Variants in ATP1A3 observed in about 807,000 individuals in gnomAD.
ATP1A3 encodes sodium/potassium-transporting ATPase subunit alpha-3.
ATP1A3 carries 12 observed loss-of-function variants against 108.8 expected under a neutral mutation model. The ratio of observed to expected loss-of-function variants is 0.11; its 90% CI spans 0.07 to 0.18. The LOEUF is 0.18. Ranked by LOEUF, ATP1A3 falls within the 10% of genes least tolerant of loss-of-function variation. The pLI, the probability that ATP1A3 is intolerant of heterozygous loss-of-function variation, is 1.00. For missense variants in ATP1A3, 498 were observed against 1,387.7 expected (o/e 0.36, Z 10.19); for synonymous variants, 539 against 564.5 (o/e 0.95, Z 0.64).
intron 4 of ATP1A3, 103 bp downstream of exon 4, chr19:41,987,833 G>A: frequency 3.6e-6 from 5 of 1,383,980 alleles, no homozygotes; most frequent in Non-Finnish European, 5.1e-6. Context: ...GAAAAAGGGG[G>A]AGAGTGGGCT....
rs2075279472 is a variant in ATP1A3, at chr19:41,985,589, A to G, written c.607-166T>C. On this transcript the variant is annotated intron_variant, in intron 6 of 22. Coordinates refer to ENST00000648268, the MANE Select transcript of ATP1A3 (RefSeq NM_152296.5). This position sits in a 1 kb window ranked among gnomAD's most constrained non-coding sequence, Gnocchi z 8.2. ...GGGAGGCCAGAGGCTGGGATCTTGA[A>G]GGTGGGGAAGGCACAGTGCTGCTGG... is the stretch of plus-strand genomic sequence containing the variant. Among the ~76,000 whole-genome samples, 1 of 152,090 alleles carries G rather than the reference A, an allele frequency of 6.6e-6. No individual in the cohort carries two copies. Among genetic ancestry groups the G allele is most frequent in the African/African-American group, 2.4e-5 (1 of 41,402 alleles).
chr19:41,970,372 G>A lies in ATP1A3; in HGVS notation c.2418+16C>T, dbSNP rs2145947877. On this transcript the variant is annotated intron_variant, in intron 17 of 22. Transcript: ENST00000648268. ...CTCCACCCTCCTGGGCCCCAAGGGT[G>A]GCTGCCAGGGCTCACCATGTCAGTG... 1 of 1,614,248 alleles carries A rather than the reference G, an allele frequency of 6.2e-7. No homozygotes were observed. Among genetic ancestry groups the A allele is most frequent in the Non-Finnish European group, 8.5e-7 (1 of 1,180,042 alleles).
chr19:41,976,650 G>A (rs1353109222), intron 14 of ATP1A3, 84 bp from the exon 15 acceptor site: 4 of 1,585,554 alleles, frequency 2.5e-6, no homozygotes, highest in Admixed American at 1.7e-5. Flanking sequence ...AGAAACAGAG[G>A]GGCCAGCCCC....
intron 11 of ATP1A3, among the ~76,000 whole-genome samples, chr19:41,979,750 T>C (rs2075210712): frequency 6.6e-6 from 1 of 152,172 alleles, no homozygotes; most frequent in Admixed American, 6.5e-5. Context: ...TTGGAGGTGA[T>C]GAAAATGCTC....
intron 4 of ATP1A3, chr19:41,986,450 ATT>A: frequency 4.8e-6 from 2 of 414,248 alleles, no homozygotes; most frequent in South Asian, 2.4e-5. Context: ...GGGTCTGTCG[ATT>A]TTTTTTTTGA....
chr19:41,989,565 C>T (rs1383799201), intron 1 of ATP1A3, among the ~76,000 whole-genome samples: 2 of 151,378 alleles, frequency 1.3e-5, no homozygotes, highest in Admixed American at 6.6e-5. Context: ...GTGATCCGCC[C>T]GTCTCGGCCT....
chr19:41,977,714 TAAATA>T (rs1318452448), intron 14 of ATP1A3, among the ~76,000 whole-genome samples: 3 of 151,910 alleles, frequency 2.0e-5, no homozygotes, highest in African/African-American at 7.2e-5. Context: ...CATAAATAAA[TAAATA>T]AAATAAAATA....
chr19:41,969,767 G>C (rs1331908566), intron 18 of ATP1A3, among the ~76,000 whole-genome samples, 187 bp from the exon 19 acceptor site: 1 of 152,214 alleles, frequency 6.6e-6, no homozygotes, highest in Non-Finnish European at 1.5e-5. Context: ...GAGATGGGTG[G>C]GCCACCTGGG....
chr19:41,977,448 G>A (rs1555861716), intron 14 of ATP1A3, among the ~76,000 whole-genome samples: 2 of 151,754 alleles, frequency 1.3e-5, no homozygotes, highest in Non-Finnish European at 2.9e-5. Flanking sequence ...CACTTTGGGA[G>A]GCCAAGGCAG....
chr19:41,982,442 A>C (rs536399467), intron 8 of ATP1A3, among the ~76,000 whole-genome samples: 9 of 152,284 alleles, frequency 5.9e-5, no homozygotes, highest in Non-Finnish European at 1.3e-4. Context: ...CCTGGCTAAC[A>C]TGGTGAAACC....
Position 41,967,363 on chromosome 19 carries a change from G to T in ATP1A3, c.2922-23C>A. The T allele has an allele frequency of 6.2e-6, 10 of 1,600,890 alleles. No individual in the cohort carries two copies. The East Asian group carries it at 2.2e-4, about 36-fold the overall frequency. ...GGCCTGCAGAGGGGAGAGCAGGAGG[G>T]CTTGAGTGCGGGGCCCTAACGAGAG... On this transcript the variant is annotated intron_variant, in intron 21 of 22. Coordinates refer to ENST00000648268, the MANE Select transcript of ATP1A3 (RefSeq NM_152296.5). The surrounding 1 kb of genome is among the most constrained non-coding windows in gnomAD (Gnocchi z 4.2).
Position 41,994,054 on chromosome 19 carries a change from G to A in ATP1A3, c.6+17C>T. ...CAATGTCACACGGAAGCGGCGCCCA[G>A]CCGGCTCAGCACCTACCCCCATCTT... On this transcript the variant is annotated intron_variant, in intron 1 of 22. Transcript: ENST00000648268. 6.2e-7 allele frequency: 1 copy of A among 1,609,232 alleles called. No homozygotes were observed. Among genetic ancestry groups the A allele is most frequent in the Non-Finnish European group, 8.5e-7 (1 of 1,178,150 alleles).
In ATP1A3 at chr19:41,967,292, G is replaced by A; in HGVS notation, c.2970C>T (p.Val990=). ...CAFPYSFLIF[V]YDEIRKLILR... ...GGATGAGTTTGCGGATTTCGTCGTA[G>A]ACGAAGATGAGGAAACTGTAGGGGA... is the stretch of plus-strand genomic sequence containing the variant. The change falls in exon 22 of 23, where the codon GTC becomes GTT. Residue 990 remains valine (V), a synonymous_variant. Transcript: ENST00000648268. The surrounding 1 kb of genome is among the most constrained non-coding windows in gnomAD (Gnocchi z 4.2). 6.2e-7 allele frequency: 1 copy of A among 1,613,382 alleles called. No homozygotes were observed. The highest frequency in any genetic ancestry group is 1.1e-5 in the South Asian group (1 of 91,086).
Position 41,966,872 on chromosome 19 carries a change from G to T in ATP1A3, c.*65C>A, listed in dbSNP as rs1161217260. On this transcript the variant is annotated 3_prime_UTR_variant, in exon 23 of 23. Coordinates refer to ENST00000648268, the MANE Select transcript of ATP1A3 (RefSeq NM_152296.5). ...TCCCCCCAGAATACAAAATTGGGGG[G>T]ACTGACAGGGGCGGTCCTGGGCCTG... is the stretch of plus-strand genomic sequence containing the variant. The T allele has an allele frequency of 1.9e-6, 3 of 1,549,654 alleles. No individual in the cohort carries two copies. Among genetic ancestry groups the T allele is most frequent in the Admixed American group, 2.0e-5 (1 of 50,922 alleles).
chr19:41,986,043 TG>T (rs1555865294), intron 5 of ATP1A3, 45 bp from the exon 6 acceptor site: 2 of 1,614,082 alleles, frequency 1.2e-6, no homozygotes, highest in South Asian at 1.1e-5. Context: ...TCCCTCTGCC[TG>T]GGGGTCACTG....
Position 41,988,538 on chromosome 19 carries a change from G to A in ATP1A3, c.31C>T (p.Pro11Ser). 6.2e-7 allele frequency: 1 copy of A among 1,614,156 alleles called. No individual in the cohort carries two copies. The highest frequency in any genetic ancestry group is 8.5e-7 in the Non-Finnish European group (1 of 1,180,020). The stretch of plus-strand genomic sequence containing the variant: ...CGCTCCTTGCCCTTGTTCTTCTTGG[G>A]TGAGTCCTTGTCATCTTTCTTGTCC... MGDKKDDKDS[P>S]KKNKGKERRD... Residue 11 changes from proline to serine, a missense_variant, in exon 2 of 23, where the codon CCC (proline) becomes TCC (serine). Around this residue, in one of 9 missense-constraint regions of ATP1A3, gnomAD observed 41 missense variants for 59.7 expected, o/e 0.69. Transcript: ENST00000648268. This position sits in a 1 kb window ranked among gnomAD's most constrained non-coding sequence, Gnocchi z 5.3.
In ATP1A3 at chr19:41,968,814, C is replaced by T. The variant is rs782317175; in HGVS notation, c.2790G>A (p.Arg930=). The change falls in exon 20 of 23, where the codon CGG becomes CGA. Residue 930 remains arginine, a synonymous_variant. Coordinates refer to ENST00000648268, the MANE Select transcript of ATP1A3 (RefSeq NM_152296.5). This position sits in a 1 kb window ranked among gnomAD's most constrained non-coding sequence, Gnocchi z 5.0. ...TGCCCTGCTGGAAGACCGAGTTCCT[C>T]CGGGTCTTGCAGATGATCAGATCGG... ...QWADLIICKT[R]RNSVFQQGMK... 1.2e-6 allele frequency: 2 copies of T among 1,614,168 alleles called. No individual in the cohort carries two copies. The highest frequency in any genetic ancestry group is 3.3e-5 in the Admixed American group (2 of 60,020).
intron 4 of ATP1A3, 88 bp from the exon 5 acceptor site, chr19:41,986,317 T>G: frequency 1.5e-6 from 2 of 1,302,362 alleles, no homozygotes; most frequent in Non-Finnish European, 2.2e-6. Context: ...GAAGGGAGCT[T>G]TGTGTCAGTG....
intron 16 of ATP1A3, among the ~76,000 whole-genome samples, chr19:41,972,413 C>A (rs775773009): frequency 4.0e-5 from 6 of 151,606 alleles, no homozygotes; most frequent in East Asian, 3.9e-4. Context: ...CAGAGTGAGA[C>A]CTTGTCTCTA....
Sources: gnomAD v4.1 joint callset for allele counts (sites outside exome capture counted in the v4.1 genomes callset) on GRCh38, gnomAD v4.1.1 for gene constraint, gnomAD v4.1.1 regional missense constraint, Gnocchi (gnomAD v3.1) non-coding constraint, MANE v1.5 for transcripts, NCBI Gene and HGNC (gene_info 2026-07-23, HGNC 2026-07-21) for gene names.